AGMO: variants seen among roughly 807,000 people sequenced by gnomAD.
AGMO encodes the protein alkylglycerol monooxygenase.
Under a neutral mutation model 60.2 loss-of-function variants are expected in AGMO, and 75 were observed. That is an observed-to-expected ratio of 1.25 (90% CI 1.03 to 1.51). The LOEUF is 1.51. Among genes scored for constraint, AGMO ranks in the 40% most tolerant of loss-of-function variants. The pLI is 0.00. For synonymous variants in AGMO, 261 were observed against 177.1 expected (o/e 1.47, Z -3.76); for missense variants, 763 against 525.5 (o/e 1.45, Z -4.42).
At chr7:15,539,547 G>A (rs1784568100) in intron 3 of AGMO, among the ~76,000 whole-genome samples, 1 of 152,010 alleles carries the variant, frequency 6.6e-6, no homozygotes, top group South Asian at 2.1e-4. Flanking sequence ...ACCATTGGTG[G>A]GCATTTATAT....
chr7:15,513,415 T>C (rs74428777), intron 3 of AGMO, among the ~76,000 whole-genome samples: 1 of 152,152 alleles, frequency 6.6e-6, no homozygotes. Flanking sequence ...CTTTATTTCT[T>C]CTATTTCCCC....
intron 3 of AGMO, among the ~76,000 whole-genome samples, chr7:15,496,815 A>G (rs1368904072): frequency 1.3e-5 from 2 of 152,142 alleles, no homozygotes; most frequent in African/African-American, 4.8e-5. Flanking sequence ...CACTTGCATT[A>G]CCTCACCCTG....
At chr7:15,239,388 T>C (rs1392594692) in intron 12 of AGMO, among the ~76,000 whole-genome samples, 1 of 152,082 alleles carries the variant, frequency 6.6e-6, no homozygotes, top group Non-Finnish European at 1.5e-5. Flanking sequence ...TGTTATGAAA[T>C]ATTAAGCAAG....
intron 10 of AGMO, among the ~76,000 whole-genome samples, chr7:15,373,681 G>GT (rs1431018381): frequency 6.6e-6 from 1 of 151,986 alleles, no homozygotes; most frequent in African/African-American, 2.4e-5. Flanking sequence ...TAAAATAACA[G>GT]TATGTTTCCA....
chr7:15,338,952 T>G (rs1262935772), intron 12 of AGMO, among the ~76,000 whole-genome samples: 1 of 152,172 alleles, frequency 6.6e-6, no homozygotes, highest in Non-Finnish European at 1.5e-5. Flanking sequence ...GCCTCAATTC[T>G]CCAGATACAT....
chr7:15,327,170 G>T (rs4256500), intron 12 of AGMO, among the ~76,000 whole-genome samples: 65,961 of 151,916 alleles, frequency 0.43, 14,734 homozygotes, highest in Middle Eastern at 0.54. Context: ...AACCTGGCTC[G>T]GTTTTCAACT....
intron 12 of AGMO, among the ~76,000 whole-genome samples, chr7:15,248,191 T>TTTTTAGACTAGAATTGAAGATGAAG (rs1563053764): frequency 2.0e-5 from 1 of 48,852 alleles, no homozygotes; most frequent in Non-Finnish European, 3.6e-5. Flanking sequence ...TATATATATA[T>TTTTTAGACTAGAATTGAAGATGAAG]ATATATATAT....
At chr7:15,160,768 A>T in the AGMO span, among the ~76,000 whole-genome samples, 1 of 152,188 alleles carries the variant, frequency 6.6e-6, no homozygotes, top group Non-Finnish European at 1.5e-5. Context: ...TATTTGGTCA[A>T]ATGCTAGTAT....
chr7:15,524,379 A>C (rs1369227387), intron 3 of AGMO, among the ~76,000 whole-genome samples: 1 of 152,136 alleles, frequency 6.6e-6, no homozygotes, highest in Non-Finnish European at 1.5e-5. Context: ...ATTTTCAAAA[A>C]TGAAGGCTAA....
chr7:15,329,815 T>A (rs1192275824), intron 12 of AGMO, among the ~76,000 whole-genome samples: 1 of 152,134 alleles, frequency 6.6e-6, no homozygotes, highest in Non-Finnish European at 1.5e-5. Flanking sequence ...AGATGCTATT[T>A]GCTGAAGTGG....
chr7:15,373,051 G>C (rs1783280984), intron 10 of AGMO, among the ~76,000 whole-genome samples: 1 of 152,044 alleles, frequency 6.6e-6, no homozygotes, highest in South Asian at 2.1e-4. Context: ...TTCACTTGAG[G>C]CCAGGAGTTC....
intron 12 of AGMO, among the ~76,000 whole-genome samples, chr7:15,352,447 G>GTT (rs564021801): frequency 0.039 from 5,245 of 135,264 alleles, 95 homozygotes; most frequent in Admixed American, 0.055. Context: ...CCAGAAGTAT[G>GTT]TTTTTTTTTT....
chr7:15,552,158 C>A (rs1583681420), intron 2 of AGMO, among the ~76,000 whole-genome samples: 1 of 152,112 alleles, frequency 6.6e-6, no homozygotes, highest in African/African-American at 2.4e-5. Context: ...ACACCCTATA[C>A]AAAAATCAAT....
rs1017991920 is a variant in AGMO, at chr7:15,553,669, A to G, written c.257+6472T>C. Among the ~76,000 whole-genome samples, 13 of 152,168 alleles carry G rather than the reference A, an allele frequency of 8.5e-5. 1 individual carries two copies. The highest frequency in any genetic ancestry group is 7.2e-4 in the Admixed American group (11 of 15,272). On this transcript the variant is annotated intron_variant, in intron 2 of 12. Coordinates refer to ENST00000342526, the MANE Select transcript of AGMO (RefSeq NM_001004320.2). ...TAGGCATTAAGATACCAAGATCTCA[A>G]TAACAGACTGAAGGTCCTAGAAAAA...
chr7:15,515,394 C>A (rs542372258), intron 3 of AGMO, among the ~76,000 whole-genome samples: 59 of 152,266 alleles, frequency 3.9e-4, no homozygotes, highest in African/African-American at 1.4e-3. Context: ...CAAACGGTTC[C>A]TTTCTCCCCA....
At position 15,390,811 on chromosome 7, in the gene AGMO, A is replaced by T. The variant is rs537301752; in HGVS notation, c.742+29T>A. The T allele has an allele frequency of 1.5e-4, 231 of 1,588,680 alleles. 2 individuals are homozygous for T. The South Asian group carries it at 2.5e-3, about 17-fold the overall frequency. ...CCTGTAAAGTAAAGGAGCTGATTTA[A>T]TTTTTTGATTTTAATACATTTTACT... On this transcript the variant is annotated intron_variant, in intron 7 of 12. Transcript: ENST00000342526.
chr7:15,518,750 G>C (rs1783895260), intron 3 of AGMO, among the ~76,000 whole-genome samples: 1 of 151,880 alleles, frequency 6.6e-6, no homozygotes, highest in Non-Finnish European at 1.5e-5. Context: ...AAACCAGAAT[G>C]CCTCTTCTCC....
rs540393401 is a variant in AGMO, at chr7:15,356,824, G to C, written c.1263+8690C>G. Among the ~76,000 whole-genome samples the C allele has an allele frequency of 7.3e-5, 11 of 151,586 alleles. No individual in the cohort carries two copies. The East Asian group carries it at 1.9e-3, about 27-fold the overall frequency. ...CTTTGTACACTTTATAAAAATATTA[G>C]GGCCCGGTTGCAGTGGCTCAAGCCT... On this transcript the variant is annotated intron_variant, in intron 12 of 12. Coordinates refer to ENST00000342526, the MANE Select transcript of AGMO (RefSeq NM_001004320.2).
rs573844938 is a variant in AGMO, at chr7:15,349,823, C to A, written c.1263+15691G>T. Among the ~76,000 whole-genome samples the A allele has an allele frequency of 8.5e-5, 13 of 152,174 alleles. No individual in the cohort carries two copies. The South Asian group carries it at 2.3e-3, about 27-fold the overall frequency. On this transcript the variant is annotated intron_variant, in intron 12 of 12. Coordinates refer to ENST00000342526, the MANE Select transcript of AGMO (RefSeq NM_001004320.2). ...AAAACCCCTTTTAAAACCATCAGGT[C>A]TGGTGAGAACTCACTATCATGAGAA...
Sources: allele counts gnomAD v4.1 joint callset (sites outside exome capture counted in the v4.1 genomes callset), GRCh38; gene constraint gnomAD v4.1.1; transcripts MANE v1.5; gene names NCBI Gene and HGNC (gene_info 2026-07-23, HGNC 2026-07-21).